HCK: variants seen among roughly 807,000 people sequenced by gnomAD.
HCK encodes the protein HCK proto-oncogene, Src family tyrosine kinase.
Under a neutral mutation model 70.4 loss-of-function variants are expected in HCK, and 40 were observed. The observed-to-expected ratio is 0.57, with a 90% CI of 0.44 to 0.74. The LOEUF is 0.74. HCK is among the 30% of genes least tolerant of loss of function. The probability of loss-of-function intolerance (pLI) is 0.00; values close to 1 mark genes in which losing one functional copy is unlikely to be tolerated. For missense variants in HCK, 568 were observed against 697.2 expected (o/e 0.81, Z 2.09); for synonymous variants, 245 against 263.2 (o/e 0.93, Z 0.67).
rs114705778 is a variant in HCK at position 32,063,102 on chromosome 20, G to A, written c.63-8560G>A. Among the ~76,000 whole-genome samples the A allele has an allele frequency of 5.0e-3, 755 of 152,198 alleles. 8 individuals are homozygous for A. Among genetic ancestry groups the A allele is most frequent in the African/African-American group, 0.017 (718 of 41,514 alleles). The stretch of plus-strand genomic sequence containing the variant: ...CAGTTTGACCTACCACTGACTAGCC[G>A]GGGGACCCACTCTCCCATGGGCTTC... On this transcript the variant is annotated intron_variant, in intron 1 of 12. Coordinates refer to ENST00000375852, the MANE Select transcript of HCK (RefSeq NM_002110.5).
intron 1 of HCK, among the ~76,000 whole-genome samples, chr20:32,059,293 T>TTCCTTCCTTCCTTCCTTCCTTCCC (rs1188956257): frequency 2.7e-5 from 4 of 148,922 alleles, no homozygotes; most frequent in Admixed American, 1.3e-4. Context: ...CCTTCCTTCC[T>TTCCTTCCTTCCTTCCTTCCTTCCC]TCCCTCCCTC....
At chr20:32,079,942 C>G in intron 6 of HCK, 65 bp downstream of exon 6, 1 of 1,196,310 alleles carries the variant, frequency 8.4e-7, no homozygotes. Flanking sequence ...TGGCCACCAC[C>G]CTTTCCTTGG....
At position 32,101,815 on chromosome 20, in the gene HCK, A is replaced by G; in HGVS notation, c.*296A>G. On this transcript the variant is annotated 3_prime_UTR_variant, in exon 13 of 13. Coordinates refer to ENST00000375852, the MANE Select transcript of HCK (RefSeq NM_002110.5). ...GGAAACTTTCAAAATAGTGAAATGA[A>G]TATTTAAATAAAAGATATAAATGCC... is the stretch of plus-strand genomic sequence containing the variant. 1 of 294,060 alleles carries G rather than the reference A, an allele frequency of 3.4e-6. No individual in the cohort carries two copies. Among genetic ancestry groups the G allele is most frequent in the East Asian group, 6.3e-5 (1 of 15,850 alleles). The allele number at this position is 294,060 out of a possible 1,614,324, so 18.2% of individuals were successfully genotyped here.
chr20:32,052,806 T>TGGG (rs2045199705), intron 1 of HCK, among the ~76,000 whole-genome samples: 16 of 141,770 alleles, frequency 1.1e-4, no homozygotes, highest in African/African-American at 1.6e-4. Flanking sequence ...GATTTTTTTT[T>TGGG]TAATTTAAAA....
chr20:32,088,590 A>G lies in HCK; in HGVS notation c.1038A>G (p.Lys346=), dbSNP rs1222243733. 1 of 1,613,820 alleles carries G rather than the reference A, an allele frequency of 6.2e-7. No homozygotes were observed. The change falls in exon 10 of 13, where the codon AAA becomes AAG. Residue 346 remains lysine, a synonymous_variant. Coordinates refer to ENST00000375852, the MANE Select transcript of HCK (RefSeq NM_002110.5). ...TAGGAAGCTTGCTGGACTTTCTGAA[A>G]AGTGATGAGGGCAGCAAGCAGCCAT...
At chr20:32,089,719 G>A (rs980153195) in intron 10 of HCK, among the ~76,000 whole-genome samples, 1 of 152,198 alleles carries the variant, frequency 6.6e-6, no homozygotes, top group African/African-American at 2.4e-5. Context: ...CTGATGTCTG[G>A]GAAAACAGAG....
chr20:32,071,975 ATC>A, intron 2 of HCK, 193 bp downstream of exon 2: 1 of 646,428 alleles, frequency 1.5e-6, no homozygotes, highest in Non-Finnish European at 2.5e-6. Context: ...CAAAGAAGTC[ATC>A]TCTCTTTCCT....
At chr20:32,053,888 C>A (rs968441185) in intron 1 of HCK, among the ~76,000 whole-genome samples, 1 of 152,030 alleles carries the variant, frequency 6.6e-6, no homozygotes, top group Non-Finnish European at 1.5e-5. Flanking sequence ...GCTGCTGCTG[C>A]TGATCCAAGG....
intron 12 of HCK, among the ~76,000 whole-genome samples, chr20:32,099,585 T>C (rs1361819538): frequency 6.6e-6 from 1 of 152,088 alleles, no homozygotes. Context: ...CTCGAACTGC[T>C]GACCTTAGGT....
intron 2 of HCK, among the ~76,000 whole-genome samples, chr20:32,072,788 C>A (rs557241082): frequency 1.4e-3 from 209 of 152,012 alleles, no homozygotes; most frequent in Admixed American, 2.4e-3. Flanking sequence ...AAGCAGCATC[C>A]CCCGGTACAT....
chr20:32,065,173 A>G (rs2045437830), intron 1 of HCK, among the ~76,000 whole-genome samples: 1 of 152,240 alleles, frequency 6.6e-6, no homozygotes, highest in Non-Finnish European at 1.5e-5. Flanking sequence ...AAACTCAAGT[A>G]TTCTGACTCC....
intron 5 of HCK, among the ~76,000 whole-genome samples, chr20:32,075,629 T>C (rs2045611203): frequency 6.6e-6 from 1 of 152,186 alleles, no homozygotes; most frequent in Non-Finnish European, 1.5e-5. Flanking sequence ...AACCCATCGT[T>C]CTTGGCTGTG....
At chr20:32,055,941 G>A (rs2045264331) in intron 1 of HCK, among the ~76,000 whole-genome samples, 5 of 152,154 alleles carry the variant, frequency 3.3e-5, no homozygotes, top group Admixed American at 3.3e-4. Context: ...TCTGTGTCTA[G>A]CTTCTTCCAC....
chr20:32,079,301 A>T (rs768633614), intron 5 of HCK, among the ~76,000 whole-genome samples: 3 of 152,230 alleles, frequency 2.0e-5, no homozygotes, highest in Non-Finnish European at 2.9e-5. Context: ...CAGGCCCTTC[A>T]CAGGCTTCCA....
chr20:32,094,795 A>AAGAAAGAGAGAGAAAG (rs1388833820), intron 11 of HCK, among the ~76,000 whole-genome samples: 469 of 22,840 alleles, frequency 0.021, 3 homozygotes, highest in East Asian at 0.028. Flanking sequence ...AAGAGAAAGA[A>AAGAAAGAGAGAGAAAG]AGAAAGAAAG....
chr20:32,093,907 C>T lies in HCK; in HGVS notation c.1137C>T (p.His379=). ...TCATCGAGCAGAGGAACTACATCCACCGAGACCTCCGAGCTGCCAACATCT... is the reference window on the plus strand; with the variant it reads ...TCATCGAGCAGAGGAACTACATCCATCGAGACCTCCGAGCTGCCAACATCT... Residue 379 remains histidine (H), a synonymous_variant, in exon 11 of 13, where the codon CAC becomes CAT. Coordinates refer to ENST00000375852, the MANE Select transcript of HCK (RefSeq NM_002110.5). 1 of 1,614,064 alleles carries T rather than the reference C, an allele frequency of 6.2e-7. No homozygotes were observed. Among genetic ancestry groups the T allele is most frequent in the Non-Finnish European group, 8.5e-7 (1 of 1,179,964 alleles).
intron 1 of HCK, among the ~76,000 whole-genome samples, chr20:32,064,330 C>T (rs2045425167): frequency 6.6e-6 from 1 of 152,120 alleles, no homozygotes; most frequent in African/African-American, 2.4e-5. Context: ...CTCTCATTGG[C>T]TTGATTTGGT....
At chr20:32,091,362 G>A (rs1052751994) in intron 10 of HCK, among the ~76,000 whole-genome samples, 1 of 152,250 alleles carries the variant, frequency 6.6e-6, no homozygotes, top group Non-Finnish European at 1.5e-5. Flanking sequence ...CAACTTGCAA[G>A]CTGTGTAAGC....
At chr20:32,076,560 C>T (rs543251690) in intron 5 of HCK, among the ~76,000 whole-genome samples, 12 of 152,240 alleles carry the variant, frequency 7.9e-5, no homozygotes, top group East Asian at 3.9e-4. Flanking sequence ...AAGTGGAAAA[C>T]GCAGGGTGTA....
Sources: gnomAD v4.1 joint callset for allele counts (sites outside exome capture counted in the v4.1 genomes callset) on GRCh38, gnomAD v4.1.1 for gene constraint, MANE v1.5 for transcripts, NCBI Gene and HGNC (gene_info 2026-07-23, HGNC 2026-07-21) for gene names.